KCNQ1: variants seen among roughly 807,000 people sequenced by gnomAD.
KCNQ1 encodes the protein potassium voltage-gated channel subfamily Q member 1.
Under a neutral mutation model 72.4 loss-of-function variants are expected in KCNQ1, and 49 were observed. The observed-to-expected ratio is 0.68, with a 90% CI of 0.54 to 0.86. The LOEUF (loss-of-function observed/expected upper bound fraction) is 0.86. Among genes scored for constraint, KCNQ1 ranks in the 40% least tolerant of loss-of-function variants. The pLI, the probability that KCNQ1 is intolerant of heterozygous loss-of-function variation, is 0.00. For missense variants in KCNQ1, 790 were observed against 945.1 expected (o/e 0.84, Z 2.15); for synonymous variants, 450 against 412.6 (o/e 1.09, Z -1.10).
chr11:2,643,426 A>C, intron 10 of KCNQ1: 1 of 398,302 alleles, frequency 2.5e-6, no homozygotes. Context: ...GTCTCTTTTT[A>C]GTGTTTTTAG....
Position 2,448,270 on chromosome 11 carries a change from C to T in KCNQ1, c.386+2786C>T, listed in dbSNP as rs372720479. ...GGACCTGCAGTGCATGGAGACTGCCCCTGTAGGCTCTCAAACCTAAGTCTG... is the reference window on the plus strand; with the variant it reads ...GGACCTGCAGTGCATGGAGACTGCCTCTGTAGGCTCTCAAACCTAAGTCTG... On this transcript the variant is annotated intron_variant, in intron 1 of 15. Coordinates refer to ENST00000155840, the MANE Select transcript of KCNQ1 (RefSeq NM_000218.3). 1.5e-3 allele frequency among the ~76,000 whole-genome samples: 229 copies of T among 152,302 alleles called. 1 individual carries two copies. The highest frequency in any genetic ancestry group is 6.8e-3 in the Middle Eastern group (2 of 294).
intron 10 of KCNQ1, chr11:2,660,705 T>C (rs1473048843): frequency 7.5e-6 from 3 of 398,504 alleles, no homozygotes; most frequent in African/African-American, 6.2e-5. Context: ...GCTGACAACC[T>C]TCATTCGGGC....
chr11:2,587,850 A>G (rs1397420389), intron 9 of KCNQ1, among the ~76,000 whole-genome samples, 158 bp downstream of exon 9: 2 of 152,126 alleles, frequency 1.3e-5, no homozygotes, highest in Non-Finnish European at 2.9e-5. Flanking sequence ...CATACACCCG[A>G]TGCTAGGTTC....
At chr11:2,455,246 T>C (rs754344576) in intron 1 of KCNQ1, among the ~76,000 whole-genome samples, 38 of 152,250 alleles carry the variant, frequency 2.5e-4, no homozygotes, top group Non-Finnish European at 4.7e-4. Flanking sequence ...AACAGGCGTC[T>C]GCCACCACGC....
In KCNQ1 at chr11:2,690,940, G is replaced by A. The variant is rs754407230; in HGVS notation, c.1514+28859G>A. On this transcript the variant is annotated intron_variant, in intron 11 of 15. Coordinates refer to ENST00000155840, the MANE Select transcript of KCNQ1 (RefSeq NM_000218.3). This position sits in a 1 kb window ranked among gnomAD's most constrained non-coding sequence, Gnocchi z 5.1. ...CCAGCGGCTTTAAGCCAACCTGAAA[G>A]GTTCATTTGGGAGTCACGGGTATGT... is the stretch of plus-strand genomic sequence containing the variant. 1 of 398,444 alleles carries A rather than the reference G, an allele frequency of 2.5e-6. No homozygotes were observed. The highest frequency in any genetic ancestry group is 2.1e-5 in the African/African-American group (1 of 48,600). 24.7% of individuals were successfully genotyped at this position (398,444 alleles called of 1,614,324 possible).
At chr11:2,499,505 A>T (rs1486990203) in intron 1 of KCNQ1, among the ~76,000 whole-genome samples, 1 of 151,238 alleles carries the variant, frequency 6.6e-6, no homozygotes, top group African/African-American at 2.4e-5. Context: ...ATCAAAAGAC[A>T]GAGTGGTTGA....
rs1023262640 is a variant in KCNQ1 at position 2,690,687 on chromosome 11, T to C, written c.1514+28606T>C. The C allele has an allele frequency of 3.3e-5, 13 of 398,536 alleles. No homozygotes were observed. Among genetic ancestry groups the C allele is most frequent in the African/African-American group, 2.1e-4 (10 of 48,636 alleles). The allele number at this position is 398,536 out of a possible 1,614,324, so 24.7% of individuals were successfully genotyped here. A position where few individuals can be genotyped will look rare whatever the true frequency, so the allele number is the denominator to read the frequency against. ...AGTGCACATAGGTATAGGGGCTGTC[T>C]CTCAGAATTCCTGAGGGCTTTCCAT... On this transcript the variant is annotated intron_variant, in intron 11 of 15. Coordinates refer to ENST00000155840, the MANE Select transcript of KCNQ1 (RefSeq NM_000218.3). This position sits in a 1 kb window ranked among gnomAD's most constrained non-coding sequence, Gnocchi z 5.1.
chr11:2,757,331 C>T (rs765202813), intron 11 of KCNQ1, among the ~76,000 whole-genome samples: 10 of 151,974 alleles, frequency 6.6e-5, no homozygotes, highest in South Asian at 4.1e-4. Flanking sequence ...TTTACAATTG[C>T]GCTAAAGAAA....
At chr11:2,531,327 T>C (rs1477818164) in intron 2 of KCNQ1, among the ~76,000 whole-genome samples, 1 of 152,076 alleles carries the variant, frequency 6.6e-6, no homozygotes, top group East Asian at 1.9e-4. Flanking sequence ...CATGTGCCCG[T>C]CTGCAGCCCT....
At chr11:2,733,814 A>ACACACACACACACCCTCT in intron 11 of KCNQ1, among the ~76,000 whole-genome samples, 1 of 86,614 alleles carries the variant, frequency 1.2e-5, no homozygotes, top group Non-Finnish European at 2.4e-5. Context: ...ACACACACAC[A>ACACACACACACACCCTCT]CTCTCTCACT....
chr11:2,569,575 C>G (rs1433524058), intron 2 of KCNQ1, among the ~76,000 whole-genome samples: 2 of 152,196 alleles, frequency 1.3e-5, no homozygotes, highest in Non-Finnish European at 1.5e-5. Flanking sequence ...ACGCCGTATG[C>G]CTGTGGCTTT....
chr11:2,629,602 G>C (rs977927291), intron 10 of KCNQ1: 3 of 398,316 alleles, frequency 7.5e-6, no homozygotes, highest in African/African-American at 6.2e-5. Context: ...ATTTGCCATT[G>C]AATGGACATG....
rs1005857341 is a variant in KCNQ1 at position 2,818,104 on chromosome 11, C to T, written c.1795-29663C>T. ...AAAACACATGGCCAGCCACCCTGCA[C>T]CCTGAGTTCCACAACATCTAAACCC... is the stretch of plus-strand genomic sequence containing the variant. On this transcript the variant is annotated intron_variant, in intron 15 of 15. Coordinates refer to ENST00000155840, the MANE Select transcript of KCNQ1 (RefSeq NM_000218.3). The surrounding 1 kb of genome is among the most constrained non-coding windows in gnomAD (Gnocchi z 7.2). Among the ~76,000 whole-genome samples, 1 of 152,308 alleles carries T rather than the reference C, an allele frequency of 6.6e-6. No homozygotes were observed. Among genetic ancestry groups the T allele is most frequent in the African/African-American group, 2.4e-5 (1 of 41,566 alleles).
intron 10 of KCNQ1, chr11:2,649,330 T>C (rs1470038185): frequency 1.3e-5 from 5 of 398,560 alleles, no homozygotes; most frequent in Non-Finnish European, 1.8e-5. Context: ...TCTGTAGTGA[T>C]AATCTTTTAT....
chr11:2,489,560 C>T (rs930660503), intron 1 of KCNQ1, among the ~76,000 whole-genome samples: 1 of 152,208 alleles, frequency 6.6e-6, no homozygotes. Context: ...CCTAGTGAGA[C>T]ACCAGCCAGG....
rs543879434 is a variant in KCNQ1 at position 2,507,299 on chromosome 11, C to A, written c.387-20629C>A. ...TAGAAGTTCACCCCACTGGCTGGGG[C>A]CTTCACGAGGCCCCTCTGGCCTCTA... On this transcript the variant is annotated intron_variant, in intron 1 of 15. Transcript: ENST00000155840. This position sits in a 1 kb window ranked among gnomAD's most constrained non-coding sequence, Gnocchi z 5.4. Among the ~76,000 whole-genome samples the A allele has an allele frequency of 7.3e-4, 111 of 152,284 alleles. No homozygotes were observed. The highest frequency in any genetic ancestry group is 2.7e-3 in the African/African-American group (111 of 41,560).
At chr11:2,837,834 G>A (rs899357618) in intron 15 of KCNQ1, among the ~76,000 whole-genome samples, 2 of 152,230 alleles carry the variant, frequency 1.3e-5, no homozygotes, top group African/African-American at 2.4e-5. Flanking sequence ...CGGCGCCCAG[G>A]GGGCCACAGG....
intron 6 of KCNQ1, among the ~76,000 whole-genome samples, chr11:2,580,370 A>G (rs1848481460): frequency 1.3e-5 from 2 of 152,212 alleles, no homozygotes; most frequent in African/African-American, 4.8e-5. Context: ...GGAGGCATGT[A>G]AAAACAATTC....
At chr11:2,843,948 ATC>A (rs1848263463) in intron 15 of KCNQ1, among the ~76,000 whole-genome samples, 2 of 152,116 alleles carry the variant, frequency 1.3e-5, no homozygotes, top group Non-Finnish European at 2.9e-5. Flanking sequence ...CCCAAAATTG[ATC>A]TGTCCCAGCA....
Sources: allele counts gnomAD v4.1 joint callset (sites outside exome capture counted in the v4.1 genomes callset), GRCh38; gene constraint gnomAD v4.1.1; non-coding constraint Gnocchi (gnomAD v3.1); transcripts MANE v1.5; gene names NCBI Gene and HGNC (gene_info 2026-07-23, HGNC 2026-07-21).